UCKL1: variants seen among roughly 807,000 people sequenced by gnomAD.
The protein encoded by UCKL1 is uridine-cytidine kinase-like 1.
Under a neutral mutation model 59.2 loss-of-function variants are expected in UCKL1, and 65 were observed. The observed-to-expected ratio is 1.10, with a 90% CI of 0.90 to 1.35. UCKL1 has a LOEUF of 1.35. UCKL1 is among the 40% of genes most tolerant of loss of function. The pLI is 0.00. For missense variants in UCKL1, 703 were observed against 784.3 expected, an observed-to-expected ratio of 0.90 and a Z score of 1.24; for synonymous variants, 410 against 323.1, an observed-to-expected ratio of 1.27 and a Z score of -2.88.
intron 5 of UCKL1, among the ~76,000 whole-genome samples, chr20:63,944,987 G>A (rs1259185753): frequency 3.3e-5 from 5 of 152,214 alleles, no homozygotes; most frequent in South Asian, 2.1e-4. Flanking sequence ...CTGGGGATGC[G>A]GTGCTGCCCG....
Position 63,944,641 on chromosome 20 carries a change from CGATGTCCCGGCCGCGCTCACT to C in UCKL1, c.727_747del (p.Ser243_Ile249del), listed in dbSNP as rs775273353. On this transcript the variant is annotated inframe_deletion, in exon 6 of 15. Coordinates refer to ENST00000354216, the MANE Select transcript of UCKL1 (RefSeq NM_017859.4). ...TTGTTGTACTGCTTGATGACACCCT[CGATGTCCCGGCCGCGCTCACT>C]GATGTCCCGGCGCAGCCGCCGTACC... is the stretch of plus-strand genomic sequence containing the variant. 3.7e-6 allele frequency: 6 copies of C among 1,613,048 alleles called. No individual in the cohort carries two copies. Among genetic ancestry groups the C allele is most frequent in the South Asian group, 3.3e-5 (3 of 91,058 alleles).
intron 8 of UCKL1, chr20:63,942,604 C>T (rs936494626): frequency 1.9e-5 from 13 of 697,194 alleles, no homozygotes; most frequent in African/African-American, 1.5e-4. Flanking sequence ...AGGGCGTTCC[C>T]CGCAGGCCTG....
chr20:63,946,772 G>A (rs1482576082), intron 1 of UCKL1, 129 bp from the exon 2 acceptor site: 8 of 960,220 alleles, frequency 8.3e-6, no homozygotes, highest in Non-Finnish European at 1.2e-5. Context: ...CAGGCTCATT[G>A]GGGGTACATA....
At chr20:63,950,664 A>T in intron 1 of UCKL1, 2 of 1,297,984 alleles carry the variant, frequency 1.5e-6, no homozygotes, top group Non-Finnish European at 2.0e-6. Flanking sequence ...TTGATTCCTG[A>T]TATCCACAGA....
intron 1 of UCKL1, chr20:63,948,236 C>G (rs976640628): frequency 4.6e-5 from 7 of 152,202 alleles, no homozygotes; most frequent in African/African-American, 1.4e-4. Context: ...TGGGGAGCAA[C>G]TCAGAACCAC....
In UCKL1 at chr20:63,946,275, C is replaced by G. The variant is rs756957976; in HGVS notation, c.305-8G>C. On this transcript the variant is annotated splice_region_variant and splice_polypyrimidine_tract_variant and intron_variant, in intron 2 of 14. Transcript: ENST00000354216. The stretch of plus-strand genomic sequence containing the variant: ...CACTGCCGCCTCCCAAGCCTGCCGG[C>G]GGGAGTGGAGACCCTCTGTGAGGAA... The G allele has an allele frequency of 3.2e-6, 5 of 1,578,594 alleles. No homozygotes were observed. In the Admixed American group the frequency reaches 7.3e-5, roughly 23 times the overall value.
At chr20:63,942,598 C>T (rs1180635356) in intron 8 of UCKL1, 3 of 728,076 alleles carry the variant, frequency 4.1e-6, no homozygotes, top group African/African-American at 1.9e-5. Flanking sequence ...GGGAGCAGGG[C>T]GTTCCCCGCA....
intron 2 of UCKL1, 64 bp downstream of exon 2, chr20:63,946,389 A>G: frequency 2.0e-6 from 3 of 1,514,332 alleles, no homozygotes; most frequent in Middle Eastern, 1.8e-4. Flanking sequence ...CCTGCTCCAC[A>G]GGCACTGGAG....
chr20:63,955,088 C>G (rs1464955308), intron 1 of UCKL1: 2 of 151,316 alleles, frequency 1.3e-5, no homozygotes, highest in Non-Finnish European at 3.0e-5. Flanking sequence ...ACTAAAAATA[C>G]AAAAAAAAAT....
intron 5 of UCKL1, among the ~76,000 whole-genome samples, chr20:63,945,374 C>T (rs552596194): frequency 1.1e-4 from 16 of 152,302 alleles, no homozygotes; most frequent in East Asian, 3.9e-4. Flanking sequence ...GTCAGGACCA[C>T]GGCAAGGGAC....
intron 1 of UCKL1, among the ~76,000 whole-genome samples, chr20:63,946,922 TAAAA>T (rs531494224): frequency 6.8e-6 from 1 of 146,140 alleles, no homozygotes; most frequent in Non-Finnish European, 1.5e-5. Flanking sequence ...TACTAAAAAT[TAAAA>T]AAAAAAAATT....
chr20:63,945,644 T>C lies in UCKL1; in HGVS notation c.654+7A>G. ...CAGCGGGGTGGGTATTCCCGGCGGG[T>C]GCTTACCTCCAACAGTGTCTTGTCA... On this transcript the variant is annotated splice_region_variant and intron_variant, in intron 5 of 14. Coordinates refer to ENST00000354216, the MANE Select transcript of UCKL1 (RefSeq NM_017859.4). 6.2e-7 allele frequency: 1 copy of C among 1,612,196 alleles called. No individual in the cohort carries two copies. Among genetic ancestry groups the C allele is most frequent in the South Asian group, 1.1e-5 (1 of 91,070 alleles).
intron 1 of UCKL1, chr20:63,951,041 G>A (rs763837078): frequency 2.4e-6 from 3 of 1,226,762 alleles, no homozygotes; most frequent in Non-Finnish European, 3.1e-6. Flanking sequence ...GGGTGGCTGG[G>A]GTGAGACCCT....
chr20:63,949,097 C>A (rs2057148417), intron 1 of UCKL1, among the ~76,000 whole-genome samples: 1 of 152,190 alleles, frequency 6.6e-6, no homozygotes, highest in Non-Finnish European at 1.5e-5. Flanking sequence ...CGCGCTGTGC[C>A]TCTCCTCAGA....
At chr20:63,951,129 G>T in intron 1 of UCKL1, 1 of 1,108,264 alleles carries the variant, frequency 9.0e-7, no homozygotes, top group Non-Finnish European at 1.1e-6. Flanking sequence ...ACCGTACTGA[G>T]GGAACAGCAC....
rs987975018 is a variant in UCKL1, at chr20:63,942,531, C to G, written c.923+1122G>C. ...GAGCATGTTCAGGGAGGGAACAAGG[C>G]AGGAAACGGGGGTTTACAGAGAGAA... On this transcript the variant is annotated intron_variant, in intron 8 of 14. Transcript: ENST00000354216. 5.3e-6 allele frequency: 6 copies of G among 1,136,158 alleles called. No individual in the cohort carries two copies. The African/African-American group carries it at 9.8e-5, about 19-fold the overall frequency. 70.4% of individuals were successfully genotyped at this position (1,136,158 alleles called of 1,614,324 possible).
rs1231276160 is a variant in UCKL1, at chr20:63,944,621, G to A, written c.768C>T (p.Tyr256=). 1.2e-6 allele frequency: 2 copies of A among 1,613,190 alleles called. No homozygotes were observed. Among genetic ancestry groups the A allele is most frequent in the East Asian group, 4.5e-5 (2 of 44,890 alleles). ...GRDIEGVIKQ[Y]NKFVKPSFDQ... is the part of the protein sequence containing the mutation. The stretch of plus-strand genomic sequence containing the variant: ...CGAAGGAGGGCTTGACAAACTTGTT[G>A]TACTGCTTGATGACACCCTCGATGT... Residue 256 remains tyrosine (Y), a synonymous_variant, in exon 6 of 15, where the codon TAC becomes TAT. Coordinates refer to ENST00000354216, the MANE Select transcript of UCKL1 (RefSeq NM_017859.4).
chr20:63,950,940 T>TC lies in UCKL1; in HGVS notation c.114-4298dup, dbSNP rs1275802945. 7 of 1,367,824 alleles carry TC rather than the reference T, an allele frequency of 5.1e-6. No homozygotes were observed. The South Asian group carries it at 6.9e-5, about 14-fold the overall frequency. The allele number at this position is 1,367,824 out of a possible 1,614,324, so 84.7% of individuals were successfully genotyped here. On this transcript the variant is annotated intron_variant, in intron 1 of 14. Coordinates refer to ENST00000354216, the MANE Select transcript of UCKL1 (RefSeq NM_017859.4). ...CATCACCACCTCAGACCCACAGCAG[T>TC]CCCCTAGGGCAGCTCAGGAGCTCCG...
Position 63,948,557 on chromosome 20 carries a change from A to AGGCGTGTGTGAGAGGAAGG in UCKL1, c.114-1915_114-1914insCCTTCCTCTCACACACGCC, listed in dbSNP as rs2056875430. ...GCCATGCGCCTCGGTGTGAGGAGGG[A>AGGCGTGTGTGAGAGGAAGG]GGCGTGTGTGAGAGGGAGGGGATGT... On this transcript the variant is annotated intron_variant, in intron 1 of 14. Transcript: ENST00000354216. 2.1e-4 allele frequency: 3 copies of AGGCGTGTGTGAGAGGAAGG among 14,392 alleles called. 1 individual carries two copies. Among genetic ancestry groups the AGGCGTGTGTGAGAGGAAGG allele is most frequent in the Non-Finnish European group, 3.8e-4 (3 of 7,854 alleles). The allele number at this position is 14,392 out of a possible 1,614,324, so 0.9% of individuals were successfully genotyped here.
Sources: allele counts gnomAD v4.1 joint callset (sites outside exome capture counted in the v4.1 genomes callset), GRCh38; gene constraint gnomAD v4.1.1; transcripts MANE v1.5; gene names NCBI Gene and HGNC (gene_info 2026-07-23, HGNC 2026-07-21).